WFS1: variants seen among roughly 807,000 people sequenced by gnomAD.
WFS1 encodes the protein wolframin ER transmembrane glycoprotein, also known as wolframin.
A neutral mutation model predicts 68.5 loss-of-function variants in WFS1; 90 were observed. That is an observed-to-expected ratio of 1.31 (90% CI 1.11 to 1.56). The LOEUF (loss-of-function observed/expected upper bound fraction) is 1.56, where lower values mean the gene tolerates loss of function less well. Among genes scored for constraint, WFS1 ranks in the 40% most tolerant of loss-of-function variants. The probability of loss-of-function intolerance (pLI) is 0.00; values close to 1 mark genes in which losing one functional copy is unlikely to be tolerated. For missense variants in WFS1, 1,767 were observed against 1,232.6 expected (o/e 1.43, Z -6.49); for synonymous variants, 860 against 540.7 (o/e 1.59, Z -8.19).
chr4:6,295,244 C>T (rs1730603247), intron 7 of WFS1, 55 bp downstream of exon 7: 2 of 1,605,236 alleles, frequency 1.2e-6, no homozygotes, highest in Non-Finnish European at 1.7e-6. Context: ...GACTCGCGCA[C>T]CTCAGGCAGG....
At position 6,301,813 on chromosome 4, in the gene WFS1, G is replaced by A. The variant is rs1730935451; in HGVS notation, c.2018G>A (p.Cys673Tyr). Reference protein sequence around the residue: ...TLTWQQYGALCGPRAWKETNM... With the variant: ...TLTWQQYGALYGPRAWKETNM... ...ACCTGGCAGCAGTATGGTGCGCTGT[G>A]CGGGCCACGCGCCTGGAAGGAGACC... Residue 673 changes from cysteine to tyrosine, a missense_variant, in exon 8 of 8, where the codon TGC becomes TAC. By Grantham distance (194) the Cys-to-Tyr change is radical. Coordinates refer to ENST00000226760, the MANE Select transcript of WFS1 (RefSeq NM_006005.3). 2.5e-6 allele frequency: 4 copies of A among 1,613,226 alleles called. No individual in the cohort carries two copies. The highest frequency in any genetic ancestry group is 2.5e-6 in the Non-Finnish European group (3 of 1,180,034).
intron 1 of WFS1, among the ~76,000 whole-genome samples, chr4:6,270,572 T>A (rs1729805392): frequency 6.6e-6 from 1 of 152,102 alleles, no homozygotes; most frequent in Admixed American, 6.5e-5. Flanking sequence ...CTGTGGCAGT[T>A]CCTCTCTCTC....
rs772357412 is a variant in WFS1, at chr4:6,301,751, C to G, written c.1956C>G (p.Tyr652Ter). 4 of 1,613,742 alleles carry G rather than the reference C, an allele frequency of 2.5e-6. No homozygotes were observed. In the African/African-American group the frequency reaches 5.3e-5, roughly 22 times the overall value. The change falls in exon 8 of 8, where the codon TAC (tyrosine) becomes TAG (stop). Residue 652 changes from tyrosine (Y) to a stop codon, truncating the protein, a stop_gained. Coordinates refer to ENST00000226760, the MANE Select transcript of WFS1 (RefSeq NM_006005.3). LOFTEE classifies it high-confidence loss of function. ...TGCTGTTCTGCTGGTTCTATGTGTACCGCTCAGAGGGCATGAAGGTCTACA... is the reference window on the plus strand; with the variant it reads ...TGCTGTTCTGCTGGTTCTATGTGTAGCGCTCAGAGGGCATGAAGGTCTACA... ...AIVLFCWFYV[Y>*]RSEGMKVYNS...
chr4:6,280,322 G>A (rs767370346), intron 2 of WFS1, among the ~76,000 whole-genome samples: 1 of 152,236 alleles, frequency 6.6e-6, no homozygotes, highest in Non-Finnish European at 1.5e-5. Flanking sequence ...TGATGGGCAG[G>A]GGCCGTTTCT....
chr4:6,300,820 C>T lies in WFS1; in HGVS notation c.1025C>T (p.Ala342Val), dbSNP rs1291964915. 1 of 1,614,030 alleles carries T rather than the reference C, an allele frequency of 6.2e-7. No homozygotes were observed. The highest frequency in any genetic ancestry group is 1.3e-5 in the African/African-American group (1 of 75,042). Residue 342 changes from alanine (A) to valine (V), a missense_variant, in exon 8 of 8, where the codon GCC (alanine) becomes GTC (valine). By Grantham distance (64) the Ala-to-Val change is moderately conservative. Coordinates refer to ENST00000226760, the MANE Select transcript of WFS1 (RefSeq NM_006005.3). ...IVSNLTIDFF[A>V]FFIPLVIFYL... The stretch of plus-strand genomic sequence containing the variant: ...AGCAACCTCACCATCGACTTCTTCG[C>T]CTTCTTCATCCCGCTGGTCATCTTC...
In WFS1 at chr4:6,301,595, C is replaced by G. The variant is rs71524362; in HGVS notation, c.1800C>G (p.Thr600=). Residue 600 remains threonine (T), a synonymous_variant, in exon 8 of 8, where the codon ACC becomes ACG. Transcript: ENST00000226760. ...TGGAGCTCACCAAGATCGCAGTCAC[C>G]GTGGCGGTCTGTAGTGTGCCCCTGC... is the stretch of plus-strand genomic sequence containing the variant. The part of the protein sequence containing the change: ...TSLELTKIAV[T]VAVCSVPLLL... 2 of 1,614,034 alleles carry G rather than the reference C, an allele frequency of 1.2e-6. No individual in the cohort carries two copies. Among genetic ancestry groups the G allele is most frequent in the African/African-American group, 2.7e-5 (2 of 74,932 alleles).
At position 6,283,190 on chromosome 4, in the gene WFS1, A is replaced by G. The variant is rs1210300935; in HGVS notation, c.233-3903A>G. 2.0e-5 allele frequency among the ~76,000 whole-genome samples: 3 copies of G among 152,118 alleles called. No individual in the cohort carries two copies. Among genetic ancestry groups the G allele is most frequent in the Non-Finnish European group, 4.4e-5 (3 of 68,020 alleles). ...GCATCCATGAATCTCTCAAATCCAT[A>G]GGGCCCGTGCATGACAAATAATTAA... On this transcript the variant is annotated intron_variant, in intron 2 of 7. Coordinates refer to ENST00000226760, the MANE Select transcript of WFS1 (RefSeq NM_006005.3). This position sits in a 1 kb window ranked among gnomAD's most constrained non-coding sequence, Gnocchi z 5.0.
rs61735401 is a variant in WFS1 at position 6,301,919 on chromosome 4, C to T, written c.2124C>T (p.Arg708=). The T allele has an allele frequency of 1.8e-3, 2,943 of 1,612,976 alleles. 26 individuals carry two copies. The Middle Eastern group carries it at 0.063, about 34-fold the overall frequency. The change falls in exon 8 of 8, where the codon CGC becomes CGT. Residue 708 remains arginine (R), a synonymous_variant. Coordinates refer to ENST00000226760, the MANE Select transcript of WFS1 (RefSeq NM_006005.3). ...GGACCGGCCGCTTCAAGTACGTCCG[C>T]GTGACTGACATCGACAACAGCGCCG... ...VTWTGRFKYV[R]VTDIDNSAES... is the part of the protein sequence containing the mutation.
chr4:6,299,653 ATGTG>A (rs1281207170), intron 7 of WFS1, among the ~76,000 whole-genome samples: 2 of 41,144 alleles, frequency 4.9e-5, no homozygotes, highest in African/African-American at 2.1e-4. Context: ...GTGTGTGTGA[ATGTG>A]TGTGTAGGGG....
intron 6 of WFS1, among the ~76,000 whole-genome samples, chr4:6,293,222 CAG>C (rs1237959172): frequency 3.3e-5 from 5 of 152,182 alleles, no homozygotes; most frequent in African/African-American, 1.2e-4. Flanking sequence ...CCCAGTCCCA[CAG>C]GGGTTTGTGA....
chr4:6,288,621 G>T (rs1041248667), intron 3 of WFS1: 2 of 357,066 alleles, frequency 5.6e-6, no homozygotes, highest in African/African-American at 4.2e-5. Flanking sequence ...GCTTTCTATG[G>T]TCCCCTGACT....
chr4:6,295,732 G>C (rs1371453336), intron 7 of WFS1, among the ~76,000 whole-genome samples: 2 of 152,256 alleles, frequency 1.3e-5, no homozygotes, highest in African/African-American at 4.8e-5. Context: ...ACACCTGGAG[G>C]ACATGAGCAG....
intron 2 of WFS1, among the ~76,000 whole-genome samples, chr4:6,285,602 C>T (rs4688987): frequency 0.61 from 93,290 of 152,030 alleles, 29,292 homozygotes; most frequent in East Asian, 0.94. Flanking sequence ...CCCAGCCTCC[C>T]TCTGCCCTCT....
At chr4:6,295,806 C>T (rs1227312097) in intron 7 of WFS1, among the ~76,000 whole-genome samples, 3 of 152,226 alleles carry the variant, frequency 2.0e-5, no homozygotes, top group Non-Finnish European at 4.4e-5. Flanking sequence ...GGCCCTACTC[C>T]TGGCCTGACA....
chr4:6,270,855 G>A (rs1729817818), intron 1 of WFS1, among the ~76,000 whole-genome samples: 1 of 152,114 alleles, frequency 6.6e-6, no homozygotes, highest in South Asian at 2.1e-4. Flanking sequence ...TATAGTCCCC[G>A]TTTGACACCC....
In WFS1 at chr4:6,300,680, C is replaced by T. The variant is rs534688461; in HGVS notation, c.885C>T (p.Ala295=). Residue 295 remains alanine (A), a synonymous_variant, in exon 8 of 8, where the codon GCC becomes GCT. Transcript: ENST00000226760. ...RLKVVKYPLH[A]IMEIKEYLID... ...AGGTGGTCAAGTACCCCCTGCACGC[C>T]ATCATGGAGATCAAGGAGTACCTGA... 1.1e-5 allele frequency: 17 copies of T among 1,613,998 alleles called. No homozygotes were observed. The highest frequency in any genetic ancestry group is 2.2e-5 in the East Asian group (1 of 44,870).
chr4:6,275,109 G>C (rs565855744), intron 1 of WFS1, among the ~76,000 whole-genome samples: 1 of 152,174 alleles, frequency 6.6e-6, no homozygotes, highest in Non-Finnish European at 1.5e-5. Flanking sequence ...AGGGCCATAC[G>C]AGAAACTCAT....
At chr4:6,278,137 CT>C (rs1198455362) in intron 2 of WFS1, among the ~76,000 whole-genome samples, 2 of 152,346 alleles carry the variant, frequency 1.3e-5, no homozygotes, top group East Asian at 3.9e-4. Context: ...GACGGGCGTC[CT>C]TCACCTCCAT....
At chr4:6,293,400 C>A (rs1433512717) in intron 6 of WFS1, among the ~76,000 whole-genome samples, 2 of 152,164 alleles carry the variant, frequency 1.3e-5, no homozygotes, top group African/African-American at 4.8e-5. Flanking sequence ...TCATCTGTTT[C>A]TCTGCCAGCT....
Sources: allele counts gnomAD v4.1 joint callset (sites outside exome capture counted in the v4.1 genomes callset), GRCh38; gene constraint gnomAD v4.1.1; non-coding constraint Gnocchi (gnomAD v3.1); transcripts MANE v1.5; gene names NCBI Gene and HGNC (gene_info 2026-07-23, HGNC 2026-07-21).